The following FMOD variants were observed in gnomAD, a reference collection of about 807,000 sequenced individuals.
FMOD encodes the protein fibromodulin.
FMOD carries 15 observed loss-of-function variants against 27.0 expected under a neutral mutation model. The observed-to-expected ratio is 0.55, with a 90% CI of 0.37 to 0.85. The LOEUF is 0.85. Ranked by LOEUF, FMOD falls within the 40% of genes least tolerant of loss-of-function variation. The pLI is 0.00. For missense variants in FMOD, 460 were observed against 483.2 expected, an observed-to-expected ratio of 0.95 and a Z score of 0.45; for synonymous variants, 210 against 214.0, an observed-to-expected ratio of 0.98 and a Z score of 0.16.
intron 2 of FMOD, among the ~76,000 whole-genome samples, chr1:203,342,930 A>C (rs1658822420): frequency 6.6e-6 from 1 of 152,178 alleles, no homozygotes; most frequent in Non-Finnish European, 1.5e-5. Flanking sequence ...GAGAAAGAAG[A>C]CTGGGGAAAT....
intron 2 of FMOD, among the ~76,000 whole-genome samples, chr1:203,345,478 A>T (rs893942968): frequency 9.2e-5 from 14 of 152,248 alleles, no homozygotes; most frequent in Non-Finnish European, 2.1e-4. Flanking sequence ...GAAGCACAGC[A>T]TACGTGTGAC....
rs1388059026 is a variant in FMOD at position 203,351,049 on chromosome 1, CAG to C, written c.-26_-25del. 4 of 152,252 alleles carry C rather than the reference CAG, an allele frequency of 2.6e-5. No homozygotes were observed. The highest frequency in any genetic ancestry group is 1.3e-4 in the Admixed American group (2 of 15,286). The allele number at this position is 152,252 out of a possible 1,614,324, so 9.4% of individuals were successfully genotyped here. A position where few individuals can be genotyped will look rare whatever the true frequency, so the allele number is the denominator to read the frequency against. ...TATACTTACCTCAAGTTGAACTTTT[CAG>C]AGAGTGACCACGTCCCTCTGTCTGG... On this transcript the variant is annotated 5_prime_UTR_variant, in exon 1 of 3. Transcript: ENST00000354955.
In FMOD at chr1:203,347,476, C is replaced by T. The variant is rs777787246; in HGVS notation, c.795G>A (p.Arg265=). Reference sequence around the variant, plus strand: ...GCACATACAGCAGCTTGGGCGCCCCCCGGAAGTAGCTATCGGGGACGGTGT... The same window carrying T: ...GCACATACAGCAGCTTGGGCGCCCCTCGGAAGTAGCTATCGGGGACGGTGT... ...NVYTVPDSYF[R]GAPKLLYVRL... is the part of the protein sequence containing the mutation. Residue 265 remains arginine (R), a synonymous_variant, in exon 2 of 3, where the codon CGG becomes CGA. Transcript: ENST00000354955. 3.7e-6 allele frequency: 6 copies of T among 1,614,200 alleles called. No individual in the cohort carries two copies. The South Asian group carries it at 6.6e-5, about 18-fold the overall frequency.
chr1:203,340,774 C>T lies in FMOD; in HGVS notation c.*1569G>A, dbSNP rs759212710. The T allele has an allele frequency of 1.3e-5, 2 of 152,290 alleles. No homozygotes were observed. Among genetic ancestry groups the T allele is most frequent in the Non-Finnish European group, 2.9e-5 (2 of 68,058 alleles). The allele number at this position is 152,290 out of a possible 1,614,324, so 9.4% of individuals were successfully genotyped here. A position where few individuals can be genotyped will look rare whatever the true frequency, so the allele number is the denominator to read the frequency against. ...CAGGGGGCAGCCTTGCCCCTCACAT[C>T]GGAGCTCCTTTGTTGAAATGAGCTG... On this transcript the variant is annotated 3_prime_UTR_variant, in exon 3 of 3. Coordinates refer to ENST00000354955, the MANE Select transcript of FMOD (RefSeq NM_002023.5).
At chr1:203,349,961 G>A (rs1390577789) in intron 1 of FMOD, among the ~76,000 whole-genome samples, 1 of 152,232 alleles carries the variant, frequency 6.6e-6, no homozygotes, top group African/African-American at 2.4e-5. Flanking sequence ...AAGCTGGCTG[G>A]TTCCTGGCTC....
chr1:203,345,680 C>T (rs888368329), intron 2 of FMOD, among the ~76,000 whole-genome samples: 3 of 152,120 alleles, frequency 2.0e-5, no homozygotes, highest in African/African-American at 4.8e-5. Context: ...AGGCAGATCA[C>T]GAGGTCAGGA....
In FMOD at chr1:203,342,394, C is replaced by T; in HGVS notation, c.1080G>A (p.Met360Ile). ...GCAGGCAGAGGGGCGCGTCGGCAGG[C>T]ATGGCGCTGCGCTTGATCTCGTTCC... Reference protein sequence around the residue: ...LDGNEIKRSAMPADAPLCLRL... With the variant: ...LDGNEIKRSAIPADAPLCLRL... The change falls in exon 3 of 3, where the codon ATG becomes ATA. Residue 360 changes from methionine to isoleucine, a missense_variant. By Grantham distance (10) the Met-to-Ile change is conservative. Coordinates refer to ENST00000354955, the MANE Select transcript of FMOD (RefSeq NM_002023.5). 6.2e-7 allele frequency: 1 copy of T among 1,613,934 alleles called. No homozygotes were observed. Among genetic ancestry groups the T allele is most frequent in the Non-Finnish European group, 8.5e-7 (1 of 1,179,896 alleles).
chr1:203,349,446 C>T (rs1658954477), intron 1 of FMOD, among the ~76,000 whole-genome samples: 1 of 152,168 alleles, frequency 6.6e-6, no homozygotes, highest in South Asian at 2.1e-4. Flanking sequence ...AAATGTGGGT[C>T]TGATGTCATC....
intron 1 of FMOD, among the ~76,000 whole-genome samples, chr1:203,348,711 T>C (rs1264378400): frequency 6.6e-6 from 1 of 152,188 alleles, no homozygotes; most frequent in Non-Finnish European, 1.5e-5. Flanking sequence ...AGTTTGGATG[T>C]TCCGGGGAAA....
rs538228466 is a variant in FMOD, at chr1:203,341,724, T to A, written c.*619A>T. On this transcript the variant is annotated 3_prime_UTR_variant, in exon 3 of 3. Transcript: ENST00000354955. ...AGGGAGGTATAGAAGTGACTCCTGG[T>A]GTCCTTTCACCCTCAGACACAGTGT... is the stretch of plus-strand genomic sequence containing the variant. The A allele has an allele frequency of 6.6e-6, 1 of 152,418 alleles. No homozygotes were observed. The highest frequency in any genetic ancestry group is 2.4e-5 in the African/African-American group (1 of 41,570). The allele number at this position is 152,418 out of a possible 1,614,324, so 9.4% of individuals were successfully genotyped here. A position where few individuals can be genotyped will look rare whatever the true frequency, so the allele number is the denominator to read the frequency against.
rs200315118 is a variant in FMOD at position 203,348,134 on chromosome 1, G to C, written c.137C>G (p.Pro46Arg). The C allele has an allele frequency of 1.9e-6, 3 of 1,614,044 alleles. No homozygotes were observed. Among genetic ancestry groups the C allele is most frequent in the Non-Finnish European group, 2.5e-6 (3 of 1,180,036 alleles). The change falls in exon 2 of 3, where the codon CCG becomes CGG. Residue 46 changes from proline to arginine, a missense_variant. Coordinates refer to ENST00000354955, the MANE Select transcript of FMOD (RefSeq NM_002023.5). ...STYYDPYDPY[P>R]YETYEPYPYG... is the part of the protein sequence containing the mutation. Reference sequence around the variant, plus strand: ...GGGGTAAGGCTCGTAGGTCTCATACGGGTAAGGGTCATAGGGATCGTAGTA... The same window carrying C: ...GGGGTAAGGCTCGTAGGTCTCATACCGGTAAGGGTCATAGGGATCGTAGTA...
At chr1:203,344,289 C>CT (rs1658848176) in intron 2 of FMOD, among the ~76,000 whole-genome samples, 1 of 152,112 alleles carries the variant, frequency 6.6e-6, no homozygotes, top group Non-Finnish European at 1.5e-5. Context: ...AGACTGCCTG[C>CT]TAAAATTCCA....
At chr1:203,343,042 G>T (rs1481685069) in intron 2 of FMOD, among the ~76,000 whole-genome samples, 1 of 152,142 alleles carries the variant, frequency 6.6e-6, no homozygotes, top group Non-Finnish European at 1.5e-5. Flanking sequence ...GCTTTGAGTG[G>T]GTTGCACGTC....
chr1:203,342,239 C>G lies in FMOD; in HGVS notation c.*104G>C. 1 of 1,428,862 alleles carries G rather than the reference C, an allele frequency of 7.0e-7. No homozygotes were observed. The highest frequency in any genetic ancestry group is 9.4e-7 in the Non-Finnish European group (1 of 1,062,608). 88.5% of individuals were successfully genotyped at this position (1,428,862 alleles called of 1,614,324 possible). The stretch of plus-strand genomic sequence containing the variant: ...GAAGACTACAGAGGGTGCCCGTGGA[C>G]TTCTGTCACATGGTCCATCCTGGAC... On this transcript the variant is annotated 3_prime_UTR_variant, in exon 3 of 3. Transcript: ENST00000354955.
chr1:203,349,161 C>T (rs1658948957), intron 1 of FMOD, among the ~76,000 whole-genome samples: 1 of 152,228 alleles, frequency 6.6e-6, no homozygotes, highest in African/African-American at 2.4e-5. Context: ...ACTCCTCATG[C>T]TCCACCATGG....
intron 2 of FMOD, 98 bp from the exon 3 acceptor site, chr1:203,342,592 G>A (rs1216779290): frequency 1.1e-5 from 14 of 1,287,976 alleles, no homozygotes; most frequent in Non-Finnish European, 1.5e-5. Context: ...TTAGATAAAG[G>A]GGTGGAAGTT....
chr1:203,348,332 G>T, intron 1 of FMOD, 55 bp from the exon 2 acceptor site: 1 of 1,552,308 alleles, frequency 6.4e-7, no homozygotes, highest in Non-Finnish European at 8.7e-7. Flanking sequence ...CTCCACAGAG[G>T]CAGTGAGGCA....
At chr1:203,345,665 G>A (rs542193902) in intron 2 of FMOD, among the ~76,000 whole-genome samples, 2 of 152,150 alleles carry the variant, frequency 1.3e-5, no homozygotes, top group Admixed American at 6.5e-5. Context: ...TTGGGAGGCC[G>A]AGGCAGGCAG....
chr1:203,344,491 C>T (rs918049786), intron 2 of FMOD, among the ~76,000 whole-genome samples: 5 of 152,214 alleles, frequency 3.3e-5, no homozygotes, highest in African/African-American at 1.2e-4. Flanking sequence ...TGACATAAGT[C>T]TTTCCAAATT....
Sources: gnomAD v4.1 joint callset for allele counts (sites outside exome capture counted in the v4.1 genomes callset) on GRCh38, gnomAD v4.1.1 for gene constraint, MANE v1.5 for transcripts, NCBI Gene and HGNC (gene_info 2026-07-23, HGNC 2026-07-21) for gene names.